The following CHD8 variants were observed in gnomAD, a reference collection of about 807,000 sequenced individuals.
CHD8 encodes the protein ATP-dependent chromatin remodeler CHD8.
Under a neutral mutation model 279.2 loss-of-function variants are expected in CHD8, and 31 were observed. The ratio of observed to expected loss-of-function variants is 0.11; its 90% confidence interval spans 0.08 to 0.15. The LOEUF is 0.15. Ranked by LOEUF, CHD8 falls within the 10% of genes least tolerant of loss-of-function variation. The pLI is 1.00. For missense variants in CHD8, 2,146 were observed against 3,230.5 expected (o/e 0.66, Z 8.14); for synonymous variants, 1,081 against 1,139.6 (o/e 0.95, Z 1.04).
At chr14:21,394,577 C>G in intron 30 of CHD8, 92 bp from the exon 31 acceptor site, 1 of 175,028 alleles carries the variant, frequency 5.7e-6, no homozygotes, top group Non-Finnish European at 9.6e-6. Context: ...TTTAGAATAT[C>G]TGAAAACACA....
At chr14:21,398,005 G>C (rs1445410353) in intron 26 of CHD8, 53 bp from the exon 27 acceptor site, 2 of 1,519,640 alleles carry the variant, frequency 1.3e-6, no homozygotes, top group South Asian at 2.4e-5. Context: ...TTGCCTTTAT[G>C]CTTACTTTAT....
intron 5 of CHD8, among the ~76,000 whole-genome samples, chr14:21,418,921 C>T (rs1394447706): frequency 6.6e-6 from 1 of 152,224 alleles, no homozygotes; most frequent in Non-Finnish European, 1.5e-5. Context: ...GAGTGAGGAA[C>T]TGGACTGACT....
chr14:21,386,378 C>G, intron 37 of CHD8: 1 of 590,676 alleles, frequency 1.7e-6, no homozygotes. Flanking sequence ...CATTCTGATA[C>G]TAAAGTTAAG....
chr14:21,415,790 G>T lies in CHD8; in HGVS notation c.1834C>A (p.Pro612Thr). 6.2e-7 allele frequency: 1 copy of T among 1,613,930 alleles called. No homozygotes were observed. The highest frequency in any genetic ancestry group is 8.5e-7 in the Non-Finnish European group (1 of 1,179,848). Residue 612 changes from proline to threonine, a missense_variant, in exon 6 of 38, where the codon CCT (proline) becomes ACT (threonine). By Grantham distance (38) the Pro-to-Thr change is conservative. This residue lies in a region of CHD8 where 123 missense variants were observed against 169.2 expected (regional missense o/e 0.73). Transcript: ENST00000646647. ...VDVTGPIKPE[P>T]ILPEPVQEPD... ...TCTTGCACTGGTTCAGGGAGGATAG[G>T]CTCAGGTTTTATTGGACCAGTTACA...
Position 21,385,583 on chromosome 14 carries a change from CG to C in CHD8, c.*29del. 1 of 1,534,800 alleles carries C rather than the reference CG, an allele frequency of 6.5e-7. No homozygotes were observed. Among genetic ancestry groups the C allele is most frequent in the Non-Finnish European group, 8.8e-7 (1 of 1,138,314 alleles). On this transcript the variant is annotated 3_prime_UTR_variant, in exon 38 of 38. Transcript: ENST00000646647. ...CCAGAGTAAATGAAAATACAGCAGC[CG>C]CCCAAGCAATGGGGCCCATGCTGGG... is the stretch of plus-strand genomic sequence containing the variant.
intron 5 of CHD8, among the ~76,000 whole-genome samples, chr14:21,421,405 T>C (rs1439079434): frequency 6.6e-6 from 1 of 151,832 alleles, no homozygotes; most frequent in Non-Finnish European, 1.5e-5. Context: ...TCTAGTATTC[T>C]ACTGCATGAA....
At chr14:21,416,995 G>C (rs1888751566) in intron 5 of CHD8, among the ~76,000 whole-genome samples, 2 of 152,314 alleles carry the variant, frequency 1.3e-5, no homozygotes, top group South Asian at 4.1e-4. Flanking sequence ...AGCTACTCAG[G>C]AGGCTGAGGC....
intron 33 of CHD8, 119 bp from the exon 34 acceptor site, chr14:21,392,928 G>A: frequency 8.1e-7 from 1 of 1,233,552 alleles, no homozygotes; most frequent in South Asian, 1.5e-5. Context: ...CAGAAAAGAG[G>A]AAGTTAATAC....
At chr14:21,424,712 A>C (rs1889229234) in intron 5 of CHD8, among the ~76,000 whole-genome samples, 1 of 152,204 alleles carries the variant, frequency 6.6e-6, no homozygotes, top group Admixed American at 6.5e-5. Context: ...ACCTCGTGAT[A>C]TGCCCGCCTC....
intron 1 of CHD8, among the ~76,000 whole-genome samples, chr14:21,441,024 G>A (rs568289850): frequency 1.1e-4 from 17 of 152,192 alleles, no homozygotes; most frequent in African/African-American, 3.9e-4. Context: ...GGGGAGATAG[G>A]GTTCAATTGC....
chr14:21,446,574 G>A (rs1041609106), intron 1 of CHD8, among the ~76,000 whole-genome samples: 148 of 152,292 alleles, frequency 9.7e-4, no homozygotes, highest in Non-Finnish European at 1.9e-4. Flanking sequence ...GATTCCCAAA[G>A]TGCTAGGATT....
At chr14:21,434,167 TC>T (rs1889679625) in intron 1 of CHD8, among the ~76,000 whole-genome samples, 1 of 149,258 alleles carries the variant, frequency 6.7e-6, no homozygotes, top group South Asian at 2.2e-4. Flanking sequence ...TGCCTCAGCC[TC>T]CCGAATAGCT....
At chr14:21,438,446 G>A (rs1425754814) in intron 1 of CHD8, among the ~76,000 whole-genome samples, 1 of 150,996 alleles carries the variant, frequency 6.6e-6, no homozygotes, top group Non-Finnish European at 1.5e-5. Flanking sequence ...AGGCCGAGGT[G>A]GGCAGATCGC....
Position 21,426,060 on chromosome 14 carries a change from T to C in CHD8, c.1716+68A>G, listed in dbSNP as rs1234640199. ...TGTATAGACTTACGATTTCTCAATA[T>C]CTGCTTGGCTTGGTTAGCCATAATT... is the stretch of plus-strand genomic sequence containing the variant. On this transcript the variant is annotated intron_variant, in intron 5 of 37. Coordinates refer to ENST00000646647, the MANE Select transcript of CHD8 (RefSeq NM_001170629.2). 40 of 920,842 alleles carry C rather than the reference T, an allele frequency of 4.3e-5. 1 individual carries two copies. In the South Asian group the frequency reaches 5.2e-4, roughly 12 times the overall value. 57.0% of individuals were successfully genotyped at this position (920,842 alleles called of 1,614,324 possible).
At chr14:21,399,811 C>T (rs1008443572) in intron 25 of CHD8, 106 bp from the exon 26 acceptor site, 12 of 943,256 alleles carry the variant, frequency 1.3e-5, no homozygotes, top group Non-Finnish European at 2.1e-5. Flanking sequence ...AATTTAAATA[C>T]TCATGCATCT....
chr14:21,440,111 C>T (rs1309695740), intron 1 of CHD8, among the ~76,000 whole-genome samples: 1 of 152,108 alleles, frequency 6.6e-6, no homozygotes, highest in Non-Finnish European at 1.5e-5. Context: ...ACAACAGTGA[C>T]AAATAAAAAC....
intron 1 of CHD8, among the ~76,000 whole-genome samples, chr14:21,435,941 T>C (rs1889763956): frequency 6.6e-6 from 1 of 152,216 alleles, no homozygotes; most frequent in Non-Finnish European, 1.5e-5. Flanking sequence ...CATCATTTAC[T>C]GTTTATGATG....
At chr14:21,428,395 C>G (rs918121314) in intron 3 of CHD8, 141 bp from the exon 4 acceptor site, 1 of 744,968 alleles carries the variant, frequency 1.3e-6, no homozygotes, top group African/African-American at 1.8e-5. Flanking sequence ...ATTGAACCTA[C>G]ACCTACTTTT....
chr14:21,403,727 T>G lies in CHD8; in HGVS notation c.3308-64A>C. The G allele has an allele frequency of 7.5e-7, 1 of 1,331,830 alleles. No homozygotes were observed. The highest frequency in any genetic ancestry group is 2.1e-5 in the Admixed American group (1 of 46,686). 82.5% of individuals were successfully genotyped at this position (1,331,830 alleles called of 1,614,324 possible). ...AACCATATTAAGGTTGTAGTCTATTTAACTAAGAAAGCAAAAGGAAAAAAA... is the reference window on the plus strand; with the variant it reads ...AACCATATTAAGGTTGTAGTCTATTGAACTAAGAAAGCAAAAGGAAAAAAA... On this transcript the variant is annotated intron_variant, in intron 16 of 37. Transcript: ENST00000646647. The surrounding 1 kb of genome is among the most constrained non-coding windows in gnomAD (Gnocchi z 4.3).
Sources: gnomAD v4.1 joint callset for allele counts (sites outside exome capture counted in the v4.1 genomes callset) on GRCh38, gnomAD v4.1.1 for gene constraint, gnomAD v4.1.1 regional missense constraint, Gnocchi (gnomAD v3.1) non-coding constraint, MANE v1.5 for transcripts, NCBI Gene and HGNC (gene_info 2026-07-23, HGNC 2026-07-21) for gene names.